Variants in CADPS observed in about 807,000 individuals in gnomAD.
CADPS encodes the protein calcium dependent secretion activator, also known as calcium-dependent secretion activator 1.
Under a neutral mutation model 167.3 loss-of-function variants are expected in CADPS, and 57 were observed. The ratio of observed to expected loss-of-function variants is 0.34; its 90% CI spans 0.28 to 0.42. The LOEUF (loss-of-function observed/expected upper bound fraction) is 0.42, where lower values mean the gene tolerates loss of function less well. Among genes scored for constraint, CADPS ranks in the 20% least tolerant of loss-of-function variants. The pLI, the probability that CADPS is intolerant of heterozygous loss-of-function variation, is 1.00. For missense variants in CADPS, 1,414 were observed against 1,738.1 expected, an observed-to-expected ratio of 0.81 and a Z score of 3.32; for synonymous variants, 676 against 635.3, an observed-to-expected ratio of 1.06 and a Z score of -0.96.
intron 6 of CADPS, among the ~76,000 whole-genome samples, chr3:62,606,784 C>T (rs902325466): frequency 6.6e-6 from 1 of 152,150 alleles, no homozygotes; most frequent in African/African-American, 2.4e-5. Flanking sequence ...GTCTTTGTCA[C>T]CAATGTGAGC....
In CADPS at chr3:62,532,995, C is replaced by T; in HGVS notation, c.2167G>A (p.Gly723Arg). ...AGGTAGCAGAGATGTCGGTGACACC[C>T]CCGGACTCCATTTCGGGCGCAATAC... ...DEYCARNGVR[G>R]CHRHLCYLRD... is the part of the protein sequence containing the mutation. Residue 723 changes from glycine to arginine, a missense_variant, in exon 13 of 30, where the codon GGG becomes AGG. Physicochemically the swap from Gly to Arg is moderately radical, Grantham distance 125 (BLOSUM62 -2). Around this residue, in one of 6 missense-constraint regions of CADPS, gnomAD observed 529 missense variants for 629.6 expected, o/e 0.84. Transcript: ENST00000383710. 6.2e-7 allele frequency: 1 copy of T among 1,613,800 alleles called. No individual in the cohort carries two copies. Among genetic ancestry groups the T allele is most frequent in the Non-Finnish European group, 8.5e-7 (1 of 1,179,834 alleles).
chr3:62,498,372 T>C (rs2065159789), intron 18 of CADPS, among the ~76,000 whole-genome samples: 1 of 152,064 alleles, frequency 6.6e-6, no homozygotes. Flanking sequence ...AATCTGAATG[T>C]AGAGAAAGGG....
chr3:62,864,076 T>C (rs1265239953), intron 1 of CADPS, among the ~76,000 whole-genome samples: 1 of 152,210 alleles, frequency 6.6e-6, no homozygotes, highest in African/African-American at 2.4e-5. Context: ...ATTTAGTCAC[T>C]ATGCATACTA....
intron 28 of CADPS, among the ~76,000 whole-genome samples, chr3:62,422,568 T>C (rs947055930): frequency 6.6e-6 from 1 of 152,176 alleles, no homozygotes; most frequent in African/African-American, 2.4e-5. Context: ...CATTGTTTAG[T>C]GTAAGCTTTG....
At chr3:62,845,860 A>G (rs759349301) in intron 1 of CADPS, among the ~76,000 whole-genome samples, 6 of 152,108 alleles carry the variant, frequency 3.9e-5, no homozygotes, top group Non-Finnish European at 5.9e-5. Flanking sequence ...TTTGATAGTT[A>G]TATCTAGATG....
chr3:62,616,189 A>G (rs1016305582), intron 6 of CADPS, among the ~76,000 whole-genome samples: 3 of 152,226 alleles, frequency 2.0e-5, no homozygotes, highest in African/African-American at 7.2e-5. Flanking sequence ...ACAGAATGAT[A>G]ATTTCATTTT....
intron 6 of CADPS, among the ~76,000 whole-genome samples, chr3:62,637,910 G>A (rs971706489): frequency 7.9e-5 from 12 of 151,928 alleles, no homozygotes; most frequent in African/African-American, 2.9e-4. Flanking sequence ...GAAATACCTA[G>A]CATGGCACCT....
intron 28 of CADPS, among the ~76,000 whole-genome samples, chr3:62,425,693 T>C (rs1315175348): frequency 1.3e-5 from 2 of 152,204 alleles, no homozygotes; most frequent in Non-Finnish European, 2.9e-5. Context: ...ATTGGAGTCA[T>C]CATAACTGGG....
chr3:62,591,163 A>G (rs982191400), intron 7 of CADPS, among the ~76,000 whole-genome samples: 2 of 152,174 alleles, frequency 1.3e-5, no homozygotes, highest in African/African-American at 2.4e-5. Flanking sequence ...TGGCTGAAAT[A>G]AAATTTATTG....
At chr3:62,491,871 C>G (rs187980881) in intron 20 of CADPS, among the ~76,000 whole-genome samples, 1 of 152,142 alleles carries the variant, frequency 6.6e-6, no homozygotes, top group African/African-American at 2.4e-5. Flanking sequence ...ATCACCCTCC[C>G]TGGGGAGGAA....
At chr3:62,807,320 G>GA (rs202163478) in intron 1 of CADPS, among the ~76,000 whole-genome samples, 27,496 of 149,580 alleles carry the variant, frequency 0.18, 2,821 homozygotes, top group Middle Eastern at 0.33. Context: ...GGAGGGCACT[G>GA]GCGTGATCTC....
chr3:62,799,030 C>G (rs558444704), intron 1 of CADPS, among the ~76,000 whole-genome samples: 2 of 152,260 alleles, frequency 1.3e-5, no homozygotes, highest in South Asian at 4.2e-4. Flanking sequence ...CTTGTCCAAG[C>G]TTTACCTGAT....
In CADPS at chr3:62,721,138, A is replaced by ATTTTTTTTTTTTTT. The variant is rs1430413610; in HGVS notation, c.888+32302_888+32303insAAAAAAAAAAAAAA. On this transcript the variant is annotated intron_variant, in intron 3 of 29. Transcript: ENST00000383710. ...GGCAGGTTTTTTTTTTTTTTTTAAA[A>ATTTTTTTTTTTTTT]AAAAAAAGAAGAAAAAAGAAAAAGT... is the stretch of plus-strand genomic sequence containing the variant. 2.9e-3 allele frequency among the ~76,000 whole-genome samples: 230 copies of ATTTTTTTTTTTTTT among 78,960 alleles called. 1 individual carries two copies. Among genetic ancestry groups the ATTTTTTTTTTTTTT allele is most frequent in the African/African-American group, 0.011 (214 of 18,630 alleles). The allele number at this position is 78,960 out of a possible 152,430, so 51.8% of individuals were successfully genotyped here. A position where few individuals can be genotyped will look rare whatever the true frequency, so the allele number is the denominator to read the frequency against.
intron 21 of CADPS, among the ~76,000 whole-genome samples, chr3:62,486,709 G>A (rs761442154): frequency 6.6e-5 from 10 of 152,304 alleles, no homozygotes; most frequent in African/African-American, 1.2e-4. Flanking sequence ...AGGGTGAGCC[G>A]ATGGTAAAGT....
chr3:62,561,111 A>G (rs1408055205), intron 9 of CADPS, among the ~76,000 whole-genome samples: 1 of 145,228 alleles, frequency 6.9e-6, no homozygotes, highest in Admixed American at 6.9e-5. Context: ...GTGGATGGCG[A>G]CAGCTGCCTT....
chr3:62,623,871 A>T (rs774850692), intron 6 of CADPS, among the ~76,000 whole-genome samples: 3 of 152,130 alleles, frequency 2.0e-5, no homozygotes, highest in Admixed American at 6.5e-5. Context: ...GCTAAAAGAG[A>T]TGATTCTCAA....
rs3074288 is a variant in CADPS, at chr3:62,491,552, C to CACAA, written c.2885-73_2885-72insTTGT. ...TCAACGTACAACACACACACACACA[C>CACAA]ACACAAACACACACACACACACACA... On this transcript the variant is annotated intron_variant, in intron 20 of 29. Transcript: ENST00000383710. The CACAA allele has an allele frequency of 2.7e-3, 2,358 of 882,768 alleles. 22 individuals carry two copies. The African/African-American group carries it at 0.031, about 11-fold the overall frequency. 54.7% of individuals were successfully genotyped at this position (882,768 alleles called of 1,614,324 possible). A position where few individuals can be genotyped will look rare whatever the true frequency, so the allele number is the denominator to read the frequency against.
At chr3:62,570,973 T>C in intron 8 of CADPS, 35 bp from the exon 9 acceptor site, 3 of 1,299,352 alleles carry the variant, frequency 2.3e-6, no homozygotes, top group South Asian at 1.2e-5. Context: ...GCTGCATTAA[T>C]GCTTGAGTGA....
At chr3:62,491,239 C>A in intron 21 of CADPS, 100 bp downstream of exon 21, 5 of 1,260,510 alleles carry the variant, frequency 4.0e-6, no homozygotes, top group Non-Finnish European at 4.5e-6. Context: ...TCTCTGTCCA[C>A]AATAACAGTG....
Sources: gnomAD v4.1 joint callset for allele counts (sites outside exome capture counted in the v4.1 genomes callset) on GRCh38, gnomAD v4.1.1 for gene constraint, gnomAD v4.1.1 regional missense constraint, MANE v1.5 for transcripts, NCBI Gene and HGNC (gene_info 2026-07-23, HGNC 2026-07-21) for gene names.